ALDH8A1: variants seen among roughly 807,000 people sequenced by gnomAD.
ALDH8A1 encodes the protein aldehyde dehydrogenase 8 family member A1, also known as 2-aminomuconic semialdehyde dehydrogenase.
ALDH8A1 carries 39 observed loss-of-function variants against 43.3 expected under a neutral mutation model. The ratio of observed to expected loss-of-function variants is 0.90; its 90% CI spans 0.70 to 1.18. ALDH8A1 has a LOEUF of 1.18. Among genes scored for constraint, ALDH8A1 ranks in the 50% most tolerant of loss-of-function variants. The pLI is 0.00. For synonymous variants in ALDH8A1, 233 were observed against 243.5 expected, an observed-to-expected ratio of 0.96 and a Z score of 0.40; for missense variants, 605 against 622.6, an observed-to-expected ratio of 0.97 and a Z score of 0.30.
intron 5 of ALDH8A1, among the ~76,000 whole-genome samples, chr6:134,931,785 ATAAT>A (rs535808917): frequency 1.3e-5 from 2 of 152,382 alleles, no homozygotes; most frequent in East Asian, 3.9e-4. Context: ...AGTGAGAGAA[ATAAT>A]TACACTTATG....
chr6:134,949,849 A>G (rs1583040685), intron 1 of ALDH8A1, 67 bp downstream of exon 1: 2 of 1,465,826 alleles, frequency 1.4e-6, no homozygotes, highest in Non-Finnish European at 1.8e-6. Context: ...TGCTTTTAGA[A>G]AACTGTTACC....
In ALDH8A1 at chr6:134,942,425, C is replaced by A. The variant is rs541243826; in HGVS notation, c.426G>T (p.Arg142=). The part of the protein sequence containing the change: ...DHLGCMHYTV[R]APVGVAGLIS... ...AGCACTCACCGACTCCCACCGGGGC[C>A]CGCACCGTGTAGTGCATGCAGCCCA... is the stretch of plus-strand genomic sequence containing the variant. The change falls in exon 3 of 7, where the codon CGG becomes CGT. Residue 142 remains arginine (R), a synonymous_variant. Transcript: ENST00000265605. 1.5e-5 allele frequency: 25 copies of A among 1,613,158 alleles called. No individual in the cohort carries two copies. The highest frequency in any genetic ancestry group is 2.1e-5 in the Non-Finnish European group (25 of 1,179,438).
intron 6 of ALDH8A1, among the ~76,000 whole-genome samples, chr6:134,926,110 C>T (rs2114682179): frequency 6.6e-6 from 1 of 151,554 alleles, no homozygotes; most frequent in African/African-American, 2.4e-5. Flanking sequence ...CATGACACAT[C>T]ATCACCAGTG....
At chr6:134,921,891 A>G (rs1359463315) in intron 6 of ALDH8A1, among the ~76,000 whole-genome samples, 1 of 152,202 alleles carries the variant, frequency 6.6e-6, no homozygotes, top group Non-Finnish European at 1.5e-5. Flanking sequence ...GAAGAGTCAC[A>G]ATCTGAAGAG....
chr6:134,930,056 G>A (rs1371472139), intron 5 of ALDH8A1, among the ~76,000 whole-genome samples: 4 of 152,192 alleles, frequency 2.6e-5, no homozygotes, highest in African/African-American at 9.7e-5. Flanking sequence ...CCAGGGGCAC[G>A]GGACCTCCGA....
At position 134,942,378 on chromosome 6, in the gene ALDH8A1, G is replaced by A. The variant is rs369000455; in HGVS notation, c.442+31C>T. ...GTTGTGAGCATCTGCAAGCATAACC[G>A]GGAGGTGGGCTCTCACTGAACAGCA... is the stretch of plus-strand genomic sequence containing the variant. On this transcript the variant is annotated intron_variant, in intron 3 of 6. Coordinates refer to ENST00000265605, the MANE Select transcript of ALDH8A1 (RefSeq NM_022568.4). 2.3e-5 allele frequency: 36 copies of A among 1,552,030 alleles called. 1 individual carries two copies. Among genetic ancestry groups the A allele is most frequent in the African/African-American group, 1.4e-4 (10 of 73,554 alleles).
At chr6:134,929,273 C>A in intron 5 of ALDH8A1, 58 bp from the exon 6 acceptor site, 2 of 1,572,062 alleles carry the variant, frequency 1.3e-6, no homozygotes, top group South Asian at 1.2e-5. Flanking sequence ...GGATAGAGCA[C>A]CCTGCACTTT....
chr6:134,944,838 G>C (rs1773924048), intron 1 of ALDH8A1, among the ~76,000 whole-genome samples: 1 of 151,612 alleles, frequency 6.6e-6, no homozygotes, highest in African/African-American at 2.4e-5. Flanking sequence ...GTAGTGAGCT[G>C]TAATTGTGCC....
intron 6 of ALDH8A1, among the ~76,000 whole-genome samples, chr6:134,925,902 C>G (rs566933720): frequency 6.6e-6 from 1 of 151,994 alleles, no homozygotes; most frequent in Non-Finnish European, 1.5e-5. Flanking sequence ...TTCCAGGCAG[C>G]GTGAGCAACA....
At chr6:134,925,257 G>A (rs903726688) in intron 6 of ALDH8A1, among the ~76,000 whole-genome samples, 19 of 152,222 alleles carry the variant, frequency 1.2e-4, no homozygotes, top group African/African-American at 4.6e-4. Flanking sequence ...AAGAGTTAAA[G>A]AGGAATTTCA....
chr6:134,930,259 G>A (rs1201845749), intron 5 of ALDH8A1, among the ~76,000 whole-genome samples: 2 of 152,212 alleles, frequency 1.3e-5, no homozygotes, highest in Non-Finnish European at 1.5e-5. Flanking sequence ...AAGGAAGGGA[G>A]AGGGAGGGAA....
At chr6:134,931,098 T>C (rs564401631) in intron 5 of ALDH8A1, among the ~76,000 whole-genome samples, 2 of 152,308 alleles carry the variant, frequency 1.3e-5, no homozygotes, top group African/African-American at 4.8e-5. Flanking sequence ...AAAATCCATT[T>C]GTGACCTTGG....
Position 134,918,379 on chromosome 6 carries a change from A to T in ALDH8A1, c.*36T>A. 6.3e-7 allele frequency: 1 copy of T among 1,583,392 alleles called. No homozygotes were observed. The highest frequency in any genetic ancestry group is 8.6e-7 in the Non-Finnish European group (1 of 1,158,450). On this transcript the variant is annotated 3_prime_UTR_variant, in exon 7 of 7. Transcript: ENST00000265605. Reference sequence around the variant, plus strand: ...CATTGAACAACTGATGCCTGCAGCCAGGCATTGGCCATAGTGGCTCCACCA... The same window carrying T: ...CATTGAACAACTGATGCCTGCAGCCTGGCATTGGCCATAGTGGCTCCACCA...
intron 4 of ALDH8A1, among the ~76,000 whole-genome samples, chr6:134,933,928 C>G (rs140196083): frequency 6.6e-6 from 1 of 152,032 alleles, no homozygotes; most frequent in Admixed American, 6.6e-5. Flanking sequence ...AGGCTGGTCT[C>G]GAACTCCTGA....
At chr6:134,920,143 T>G (rs1487790185) in intron 6 of ALDH8A1, among the ~76,000 whole-genome samples, 1 of 152,094 alleles carries the variant, frequency 6.6e-6, no homozygotes, top group African/African-American at 2.4e-5. Context: ...CAACTCCTGG[T>G]CTCAAGGGAT....
chr6:134,918,835 T>G lies in ALDH8A1; in HGVS notation c.1044A>C (p.Glu348Asp), dbSNP rs1465356214. The G allele has an allele frequency of 2.5e-6, 4 of 1,614,196 alleles. No homozygotes were observed. In the East Asian group the frequency reaches 8.9e-5, roughly 36 times the overall value. ...CCTCACCGCACCAAATTTGGGCACC[T>G]TCAGCAAGAGCTCTCTTGACGTAAC... is the stretch of plus-strand genomic sequence containing the variant. Reference protein sequence around the residue: ...VRSYVKRALAEGAQIWCGEGV... With the variant: ...VRSYVKRALADGAQIWCGEGV... Residue 348 changes from glutamate to aspartate, a missense_variant, in exon 7 of 7, where the codon GAA becomes GAC. By Grantham distance (45) the Glu-to-Asp change is conservative. Transcript: ENST00000265605.
intron 4 of ALDH8A1, among the ~76,000 whole-genome samples, chr6:134,935,467 G>A (rs1013185170): frequency 6.6e-6 from 1 of 152,198 alleles, no homozygotes; most frequent in African/African-American, 2.4e-5. Flanking sequence ...AATTAGAAAT[G>A]GTTCATGAAT....
intron 6 of ALDH8A1, among the ~76,000 whole-genome samples, chr6:134,928,012 A>T (rs1776915240): frequency 6.6e-6 from 1 of 152,166 alleles, no homozygotes; most frequent in Non-Finnish European, 1.5e-5. Context: ...GCAATCTTGT[A>T]GGTAAATTTA....
At chr6:134,940,242 T>A in intron 3 of ALDH8A1, 1 of 349,794 alleles carries the variant, frequency 2.9e-6, no homozygotes, top group Non-Finnish European at 5.7e-6. Flanking sequence ...AAATAAAAAA[T>A]AAAAAAACAG....
Sources: gnomAD v4.1 joint callset for allele counts (sites outside exome capture counted in the v4.1 genomes callset) on GRCh38, gnomAD v4.1.1 for gene constraint, MANE v1.5 for transcripts, NCBI Gene and HGNC (gene_info 2026-07-23, HGNC 2026-07-21) for gene names.